Variants in RBL1 observed in about 807,000 individuals in gnomAD.
The protein encoded by RBL1 is RB transcriptional corepressor like 1.
In RBL1, 82 loss-of-function variants were observed where a neutral mutation model predicts 123.0. That is an observed-to-expected ratio of 0.67 (90% CI 0.56 to 0.80). RBL1 has a LOEUF of 0.80. Ranked by LOEUF, RBL1 falls within the 30% of genes least tolerant of loss-of-function variation. The pLI is 0.00. For missense variants in RBL1, 1,171 were observed against 1,299.6 expected (o/e 0.90, Z 1.52); for synonymous variants, 405 against 441.3 (o/e 0.92, Z 1.03).
intron 9 of RBL1, among the ~76,000 whole-genome samples, chr20:37,059,938 C>T (rs1331038893): frequency 1.3e-5 from 2 of 151,614 alleles, no homozygotes; most frequent in Non-Finnish European, 2.9e-5. Context: ...TTTGGGAGGC[C>T]GAGGCAGGCG....
chr20:37,045,964 C>A (rs1311226325), intron 12 of RBL1, among the ~76,000 whole-genome samples: 1 of 152,032 alleles, frequency 6.6e-6, no homozygotes. Context: ...TCTTAAAGTT[C>A]GATACTATGT....
At chr20:37,032,159 T>TA (rs560865011) in intron 16 of RBL1, among the ~76,000 whole-genome samples, 67 of 151,868 alleles carry the variant, frequency 4.4e-4, no homozygotes, top group African/African-American at 1.6e-3. Flanking sequence ...AATGTGGTAT[T>TA]AAAAAAAAGT....
chr20:37,025,879 A>ACCTACCCTGCTACCAGC (rs2064412145), intron 16 of RBL1, among the ~76,000 whole-genome samples: 2 of 152,048 alleles, frequency 1.3e-5, no homozygotes, highest in South Asian at 4.2e-4. Flanking sequence ...AGTAGCTAGG[A>ACCTACCCTGCTACCAGC]CTACAGGTGC....
At chr20:37,062,001 TG>T (rs1343192803) in intron 8 of RBL1, 82 bp downstream of exon 8, 1 of 1,359,980 alleles carries the variant, frequency 7.4e-7, no homozygotes, top group Non-Finnish European at 9.8e-7. Context: ...AGATTTAACT[TG>T]AAAGATGCTT....
chr20:37,018,394 G>T, intron 18 of RBL1, 25 bp from the exon 19 acceptor site: 7 of 1,587,106 alleles, frequency 4.4e-6, no homozygotes, highest in Non-Finnish European at 6.0e-6. Context: ...GGAAGAAAAG[G>T]ACAGCTCAGT....
In RBL1 at chr20:37,004,992, G is replaced by A. The variant is rs567051532; in HGVS notation, c.2872-1126C>T. On this transcript the variant is annotated intron_variant, in intron 20 of 21. Coordinates refer to ENST00000373664, the MANE Select transcript of RBL1 (RefSeq NM_002895.5). ...GGGGACAGAGGCTGCAGTGAGCTGCGATTATGTCACTGCACTCCTCCTGGG... is the reference window on the plus strand; with the variant it reads ...GGGGACAGAGGCTGCAGTGAGCTGCAATTATGTCACTGCACTCCTCCTGGG... Among the ~76,000 whole-genome samples the A allele has an allele frequency of 6.6e-5, 10 of 152,082 alleles. No homozygotes were observed. The East Asian group carries it at 1.9e-3, about 29-fold the overall frequency.
At chr20:37,073,586 T>C (rs1280951804) in intron 2 of RBL1, among the ~76,000 whole-genome samples, 1 of 149,964 alleles carries the variant, frequency 6.7e-6, no homozygotes, top group African/African-American at 2.5e-5. Flanking sequence ...TAGTCCCAGC[T>C]ACTCAAGAGG....
chr20:37,093,749 C>T (rs1347465241), intron 1 of RBL1, among the ~76,000 whole-genome samples: 8 of 150,596 alleles, frequency 5.3e-5, no homozygotes, highest in African/African-American at 1.7e-4. Flanking sequence ...TCAAGAGATT[C>T]TCCTGCCTCA....
intron 17 of RBL1, 74 bp downstream of exon 17, chr20:37,022,576 C>G: frequency 1.4e-6 from 2 of 1,390,548 alleles, no homozygotes; most frequent in Non-Finnish European, 9.7e-7. Context: ...ATCTGCTCAC[C>G]TTGACCTCCG....
At chr20:37,081,945 A>G (rs1046651838) in intron 2 of RBL1, 3 of 455,518 alleles carry the variant, frequency 6.6e-6, no homozygotes, top group Admixed American at 2.4e-5. Context: ...TCCAATTATA[A>G]TATCAGTAAA....
At position 37,089,100 on chromosome 20, in the gene RBL1, G is replaced by A. The variant is rs2065604832; in HGVS notation, c.179C>T (p.Ala60Val). ...SLEGEVTHWLACSLYVACRKS... is the reference protein window; with the variant it reads ...SLEGEVTHWLVCSLYVACRKS... ...GCGGCATGCAACATATAATGAACAT[G>A]CCAACCAGTGTGTAACTTCTCCCTG... The change falls in exon 2 of 22, where the codon GCA becomes GTA. Residue 60 changes from alanine (A) to valine (V), a missense_variant. Ala to Val is a moderately conservative substitution (Grantham distance 64, BLOSUM62 0). Transcript: ENST00000373664. 3.1e-6 allele frequency: 5 copies of A among 1,608,370 alleles called. No individual in the cohort carries two copies. Among genetic ancestry groups the A allele is most frequent in the Middle Eastern group, 1.7e-4 (1 of 6,046 alleles).
At chr20:37,018,145 T>C in intron 19 of RBL1, 134 bp downstream of exon 19, 1 of 1,023,468 alleles carries the variant, frequency 9.8e-7, no homozygotes, top group Non-Finnish European at 1.3e-6. Context: ...TCAAACTTAT[T>C]TGTTTTCAAA....
chr20:37,005,592 G>T, intron 20 of RBL1, among the ~76,000 whole-genome samples: 1 of 152,124 alleles, frequency 6.6e-6, no homozygotes, highest in East Asian at 1.9e-4. Flanking sequence ...AAATGGGAAA[G>T]ACTTCATATG....
Position 36,997,091 on chromosome 20 carries a change from A to G in RBL1, c.*1668T>C, listed in dbSNP as rs1015937479. 2.0e-5 allele frequency: 3 copies of G among 152,210 alleles called. No individual in the cohort carries two copies. The highest frequency in any genetic ancestry group is 4.4e-5 in the Non-Finnish European group (3 of 68,036). 9.4% of individuals were successfully genotyped at this position (152,210 alleles called of 1,614,324 possible). On this transcript the variant is annotated 3_prime_UTR_variant, in exon 22 of 22. Transcript: ENST00000373664. ...AAGGTTTGCAGTTAGAAACATAAAC[A>G]TTTGATAAAACTTCTCAAAATTAAT...
intron 1 of RBL1, among the ~76,000 whole-genome samples, chr20:37,091,227 G>A (rs1405560999): frequency 2.0e-5 from 3 of 151,866 alleles, no homozygotes; most frequent in South Asian, 2.1e-4. Context: ...GTGTGGTGGC[G>A]CACGCCTGTA....
intron 1 of RBL1, among the ~76,000 whole-genome samples, chr20:37,090,786 G>A (rs1002082969): frequency 6.6e-6 from 1 of 151,952 alleles, no homozygotes; most frequent in Admixed American, 6.6e-5. Context: ...AAATACTGTT[G>A]GTAAATGTAA....
At position 37,022,809 on chromosome 20, in the gene RBL1, A is replaced by G. The variant is rs147257597; in HGVS notation, c.2400T>C (p.Ser800=). The part of the protein sequence containing the change: ...LFYRKVYHLA[S]VRLRDLCLKL... Reference sequence around the variant, plus strand: ...TTAGACATAGATCACGTAAGCGTACACTTGCCAAATGATAGACCTAAAATA... The same window carrying G: ...TTAGACATAGATCACGTAAGCGTACGCTTGCCAAATGATAGACCTAAAATA... The change falls in exon 17 of 22, where the codon AGT becomes AGC. Residue 800 remains serine (S), a synonymous_variant. Coordinates refer to ENST00000373664, the MANE Select transcript of RBL1 (RefSeq NM_002895.5). 20 of 1,610,196 alleles carry G rather than the reference A, an allele frequency of 1.2e-5. No homozygotes were observed. The African/African-American group carries it at 2.0e-4, about 16-fold the overall frequency.
intron 14 of RBL1, among the ~76,000 whole-genome samples, chr20:37,036,989 C>T (rs2064625765): frequency 6.6e-6 from 1 of 152,144 alleles, no homozygotes; most frequent in African/African-American, 2.4e-5. Flanking sequence ...GATTTAGAAG[C>T]TCTCTGTATT....
At chr20:37,089,386 C>A (rs1041378728) in intron 1 of RBL1, among the ~76,000 whole-genome samples, 10 of 150,748 alleles carry the variant, frequency 6.6e-5, no homozygotes, top group Admixed American at 2.7e-4. Context: ...CTTGGTGGCT[C>A]ATGTTTGTAA....
Sources: allele counts gnomAD v4.1 joint callset (sites outside exome capture counted in the v4.1 genomes callset), GRCh38; gene constraint gnomAD v4.1.1; transcripts MANE v1.5; gene names NCBI Gene and HGNC (gene_info 2026-07-23, HGNC 2026-07-21).